TTN: variants seen among roughly 807,000 people sequenced by gnomAD.
TTN encodes titin.
In TTN, 1,525 loss-of-function variants were observed where a neutral mutation model predicts 3,223.0. The ratio of observed to expected loss-of-function variants is 0.47; its 90% CI spans 0.45 to 0.49. TTN has a LOEUF of 0.49. Among genes scored for constraint, TTN ranks in the 20% least tolerant of loss-of-function variants. The pLI is 0.00. For synonymous variants in TTN, 14,094 were observed against 15,161.0 expected, an observed-to-expected ratio of 0.93 and a Z score of 5.17; for missense variants, 40,786 against 43,424.0, an observed-to-expected ratio of 0.94 and a Z score of 5.40.
chr2:178,760,946 C>G (rs186724187), intron 43 of TTN: 10 of 151,624 alleles, frequency 6.6e-5, no homozygotes, highest in African/African-American at 1.9e-4. Context: ...ACAGCTTCTT[C>G]CTTTGGTGAA....
intron 189 of TTN, among the ~76,000 whole-genome samples, 174 bp from the exon 190 acceptor site, chr2:178,655,169 C>G (rs1444091887): frequency 4.4e-5 from 6 of 135,844 alleles, no homozygotes; most frequent in Non-Finnish European, 7.4e-5. Context: ...ATAAACAGAA[C>G]CAACGACAAA....
Position 178,583,858 on chromosome 2 carries a change from G to A in TTN, c.65324C>T (p.Ser21775Phe). The change falls in exon 312 of 363, where the codon TCT (serine) becomes TTT (phenylalanine). Residue 21775 changes from serine (S) to phenylalanine (F), a missense_variant. Ser to Phe is a radical substitution (Grantham distance 155, BLOSUM62 -2). Transcript: ENST00000589042. ...ATGCTTTGGACGAGCCCAGATCAGAGATACAGTACTCTTGGTGACATCAAT... is the reference window on the plus strand; with the variant it reads ...ATGCTTTGGACGAGCCCAGATCAGAAATACAGTACTCTTGGTGACATCAAT... ...EVIDVTKSTVSLIWARPKHDG... is the reference protein window; with the variant it reads ...EVIDVTKSTVFLIWARPKHDG... The A allele has an allele frequency of 1.9e-6, 3 of 1,606,888 alleles. No homozygotes were observed. Among genetic ancestry groups the A allele is most frequent in the Non-Finnish European group, 2.6e-6 (3 of 1,176,146 alleles).
At position 178,711,141 on chromosome 2, in the gene TTN, C is replaced by T; in HGVS notation, c.28095G>A (p.Arg9365=). The stretch of plus-strand genomic sequence containing the variant: ...TGCAGGAATACTGGCCTGCAAGGCT[C>T]CGGTCAGTTTTAAAAATATTGAGTG... ...TATLNIFKTD[R]SLAGQYSCTA... The change falls in exon 97 of 363, where the codon CGG becomes CGA. Residue 9365 remains arginine (R), a synonymous_variant. Transcript: ENST00000589042. 6.2e-7 allele frequency: 1 copy of T among 1,613,814 alleles called. No homozygotes were observed. Among genetic ancestry groups the T allele is most frequent in the Non-Finnish European group, 8.5e-7 (1 of 1,179,796 alleles).
chr2:178,707,660 C>T lies in TTN; in HGVS notation c.28907G>A (p.Cys9636Tyr), dbSNP rs1434739895. 1 of 1,613,800 alleles carries T rather than the reference C, an allele frequency of 6.2e-7. No individual in the cohort carries two copies. The highest frequency in any genetic ancestry group is 8.5e-7 in the Non-Finnish European group (1 of 1,179,866). Reference sequence around the variant, plus strand: ...TGTCCCACTAGCAAAGCTGAAGCTGCATCTGTCTGAAGGCTTTATTTCCCT... The same window carrying T: ...TGTCCCACTAGCAAAGCTGAAGCTGTATCTGTCTGAAGGCTTTATTTCCCT... ...AGREIKPSDR[C>Y]SFSFASGTAV... Residue 9636 changes from cysteine to tyrosine, a missense_variant, in exon 100 of 363, where the codon TGC becomes TAC. Cys to Tyr is a radical substitution (Grantham distance 194). Transcript: ENST00000589042.
rs1166142164 is a variant in TTN at position 178,544,181 on chromosome 2, A to G, written c.96028+20T>C. 9.3e-6 allele frequency: 15 copies of G among 1,607,696 alleles called. No individual in the cohort carries two copies. In the South Asian group the frequency reaches 1.5e-4, roughly 17 times the overall value. On this transcript the variant is annotated intron_variant, in intron 345 of 362. Coordinates refer to ENST00000589042, the MANE Select transcript of TTN (RefSeq NM_001267550.2). ...GTGTGAGAAGAAAATAATTCACCTA[A>G]AAGCTTCTGTGATAAATACCTATTC...
chr2:178,606,385 C>G (rs1196699201), intron 278 of TTN, among the ~76,000 whole-genome samples: 1 of 150,016 alleles, frequency 6.7e-6, no homozygotes, highest in African/African-American at 2.4e-5. Flanking sequence ...TTTTTTTTTT[C>G]AGGGGGTGAT....
Position 178,601,735 on chromosome 2 carries a change from G to A in TTN, c.55355C>T (p.Ser18452Phe). 6.2e-7 allele frequency: 1 copy of A among 1,609,830 alleles called. No individual in the cohort carries two copies. The highest frequency in any genetic ancestry group is 8.5e-7 in the Non-Finnish European group (1 of 1,178,586). Residue 18452 changes from serine (S) to phenylalanine (F), a missense_variant, in exon 286 of 363, where the codon TCT becomes TTT. Coordinates refer to ENST00000589042, the MANE Select transcript of TTN (RefSeq NM_001267550.2). The stretch of plus-strand genomic sequence containing the variant: ...TGTGATGCTGTATTTGCCTGTATGA[G>A]ATCGTTTACACTCCGGAATAATAAT... ...SVIIIPECKR[S>F]HTGKYSITAK...
Position 178,543,100 on chromosome 2 carries a change from A to G in TTN, c.96873T>C (p.Thr32291=), listed in dbSNP as rs368169892. 1.0e-5 allele frequency: 16 copies of G among 1,603,084 alleles called. No individual in the cohort carries two copies. In the African/African-American group the frequency reaches 1.6e-4, roughly 16 times the overall value. Residue 32291 remains threonine (T), a synonymous_variant, in exon 347 of 363, where the codon ACT becomes ACC. Coordinates refer to ENST00000589042, the MANE Select transcript of TTN (RefSeq NM_001267550.2). ...GGTCTTGTACAGTCACGGCTGTGAC[A>G]GTCTCTCTTGGTTCTGACACACCTT... The part of the protein sequence containing the change: ...NEKGVSEPRE[T]VTAVTVQDLR...
At position 178,676,209 on chromosome 2, in the gene TTN, G is replaced by A. The variant is rs1316266219; in HGVS notation, c.34379-214C>T. Reference sequence around the variant, plus strand: ...TTATCAGAGGACAGATGCTATTAGGGTGGTGCAAAAATAATTGCGGTTTTG... The same window carrying A: ...TTATCAGAGGACAGATGCTATTAGGATGGTGCAAAAATAATTGCGGTTTTG... On this transcript the variant is annotated intron_variant, in intron 147 of 362. Transcript: ENST00000589042. 3.5e-4 allele frequency: 143 copies of A among 408,936 alleles called. 1 individual carries two copies. Among genetic ancestry groups the A allele is most frequent in the Non-Finnish European group, 1.7e-5 (4 of 229,728 alleles). 25.3% of individuals were successfully genotyped at this position (408,936 alleles called of 1,614,324 possible).
At position 178,551,902 on chromosome 2, in the gene TTN, A is replaced by G. The variant is rs755369653; in HGVS notation, c.90998T>C (p.Ile30333Thr). ...CATGCCATCAGAAGTCACATTGTATATAACTGGCTTTCCTGGGGGACCAGG... is the reference window on the plus strand; with the variant it reads ...CATGCCATCAGAAGTCACATTGTATGTAACTGGCTTTCCTGGGGGACCAGG... ...RIPGPPGKPV[I>T]YNVTSDGMSL... The change falls in exon 335 of 363, where the codon ATA (isoleucine) becomes ACA (threonine). Residue 30333 changes from isoleucine to threonine, a missense_variant. Ile to Thr is a moderately conservative substitution (Grantham distance 89). Transcript: ENST00000589042. 1.6e-5 allele frequency: 26 copies of G among 1,613,700 alleles called. No individual in the cohort carries two copies. Among genetic ancestry groups the G allele is most frequent in the Non-Finnish European group, 2.1e-5 (25 of 1,179,772 alleles).
chr2:178,676,183 A>C, intron 147 of TTN, 188 bp from the exon 148 acceptor site: 1 of 552,366 alleles, frequency 1.8e-6, no homozygotes, highest in Non-Finnish European at 3.2e-6. Flanking sequence ...AGCATATGTC[A>C]TTATCAGAGG....
At chr2:178,629,591 C>G in intron 239 of TTN, 148 bp from the exon 240 acceptor site, 1 of 1,175,682 alleles carries the variant, frequency 8.5e-7, no homozygotes, top group Admixed American at 2.4e-5. Context: ...AACGTGGCCC[C>G]ACGGCGCTGA....
In TTN at chr2:178,546,631, A is replaced by G. The variant is rs878896090; in HGVS notation, c.94797T>C (p.Ser31599=). ...AAGVISKGSE[S]TGPVTCRDEY... is the part of the protein sequence containing the mutation. ...CATCTCGGCAAGTGACAGGGCCTGT[A>G]GATTCAGACCCTTTGCTAATTACGC... is the stretch of plus-strand genomic sequence containing the variant. Residue 31599 remains serine (S), a synonymous_variant, in exon 341 of 363, where the codon TCT becomes TCC. Transcript: ENST00000589042. The G allele has an allele frequency of 5.0e-6, 8 of 1,612,570 alleles. No homozygotes were observed. The highest frequency in any genetic ancestry group is 6.8e-6 in the Non-Finnish European group (8 of 1,178,772).
In TTN at chr2:178,764,248, A is replaced by C; in HGVS notation, c.10043T>G (p.Ile3348Ser). The stretch of plus-strand genomic sequence containing the variant: ...AGTGACAGTGTCCTGAAGCGGGGTG[A>C]TGATGGCAGGTGGATAAACAGGCAT... ...QEMPVYPPAI[I>S]TPLQDTVTSE... The change falls in exon 43 of 363, where the codon ATC becomes AGC. Residue 3348 changes from isoleucine to serine, a missense_variant. Physicochemically the swap from Ile to Ser is moderately radical, Grantham distance 142. Coordinates refer to ENST00000589042, the MANE Select transcript of TTN (RefSeq NM_001267550.2). 6.2e-7 allele frequency: 1 copy of C among 1,614,118 alleles called. No individual in the cohort carries two copies. Among genetic ancestry groups the C allele is most frequent in the African/African-American group, 1.3e-5 (1 of 75,052 alleles).
intron 122 of TTN, 43 bp downstream of exon 122, chr2:178,689,770 A>T: frequency 1.9e-6 from 3 of 1,549,514 alleles, no homozygotes; most frequent in Non-Finnish European, 2.6e-6. Context: ...CATATTTTGT[A>T]TCAAAGATAA....
rs1201922048 is a variant in TTN at position 178,724,445 on chromosome 2, A to G, written c.20930T>C (p.Leu6977Pro). The G allele has an allele frequency of 6.2e-7, 1 of 1,613,240 alleles. No individual in the cohort carries two copies. The highest frequency in any genetic ancestry group is 1.3e-5 in the African/African-American group (1 of 74,870). The change falls in exon 72 of 363, where the codon CTC (leucine) becomes CCC (proline). Residue 6977 changes from leucine (L) to proline (P), a missense_variant. Transcript: ENST00000589042. ...LECKVAGTPE[L>P]SVEWYKDGKL... ...TCCATCCTTGTACCATTCAACAGAG[A>G]GTTCCGGAGTGCCAGCCACCTTACA... is the stretch of plus-strand genomic sequence containing the variant.
chr2:178,563,290 C>T lies in TTN; in HGVS notation c.82842G>A (p.Ala27614=), dbSNP rs370505439. 34 of 1,613,458 alleles carry T rather than the reference C, an allele frequency of 2.1e-5. No individual in the cohort carries two copies. The highest frequency in any genetic ancestry group is 5.5e-5 in the South Asian group (5 of 91,068). The change falls in exon 326 of 363, where the codon GCG becomes GCA. Residue 27614 remains alanine (A), a synonymous_variant. Transcript: ENST00000589042. The surrounding 1 kb of genome is among the most constrained non-coding windows in gnomAD (Gnocchi z 4.5). ...GTGGAGTGCAGGTTGTCCATTCATC[C>T]GCAGCAGCTTCTTTGACCTCTACAA... ...GYVVEVKEAA[A]DEWTTCTPPT... is the part of the protein sequence containing the mutation.
chr2:178,545,450 T>A lies in TTN; in HGVS notation c.95660A>T (p.Asn31887Ile). ...GCTGGGCTCACTGTTACCAGCTGCA[T>A]TCACTGCGGTCACCCGGAACTGGTA... is the stretch of plus-strand genomic sequence containing the variant. ...CDYQFRVTAV[N>I]AAGNSEPSEA... Residue 31887 changes from asparagine to isoleucine, a missense_variant, in exon 344 of 363, where the codon AAT becomes ATT. Coordinates refer to ENST00000589042, the MANE Select transcript of TTN (RefSeq NM_001267550.2). The A allele has an allele frequency of 6.2e-7, 1 of 1,610,968 alleles. No homozygotes were observed. Among genetic ancestry groups the A allele is most frequent in the Non-Finnish European group, 8.5e-7 (1 of 1,177,430 alleles).
rs1356118921 is a variant in TTN, at chr2:178,577,507, G to T, written c.68828C>A (p.Ala22943Glu). 1 of 1,568,598 alleles carries T rather than the reference G, an allele frequency of 6.4e-7. No homozygotes were observed. The highest frequency in any genetic ancestry group is 1.2e-5 in the South Asian group (1 of 83,962). ...ETIICKDEYE[A>E]PTIVLDPTIK... ...TGTGGGATCAAGGACAATTGTTGGT[G>T]CCTCTGCAAAGAAAAAAATACATTT... The change falls in exon 324 of 363, where the codon GCA (alanine) becomes GAA (glutamate). Residue 22943 changes from alanine to glutamate, a missense_variant. Transcript: ENST00000589042.
Sources: allele counts gnomAD v4.1 joint callset (sites outside exome capture counted in the v4.1 genomes callset), GRCh38; gene constraint gnomAD v4.1.1; non-coding constraint Gnocchi (gnomAD v3.1); transcripts MANE v1.5; gene names NCBI Gene and HGNC (gene_info 2026-07-23, HGNC 2026-07-21).